Variants in COG5 observed in about 807,000 individuals in gnomAD.
The protein encoded by COG5 is component of oligomeric golgi complex 5, also known as conserved oligomeric Golgi complex subunit 5.
Under a neutral mutation model 110.4 loss-of-function variants are expected in COG5, and 86 were observed. That is an observed-to-expected ratio of 0.78 (90% CI 0.65 to 0.93). The LOEUF is 0.93. COG5 is among the 40% of genes least tolerant of loss of function. The pLI is 0.00. For missense variants in COG5, 1,077 were observed against 987.0 expected, an observed-to-expected ratio of 1.09 and a Z score of -1.22; for synonymous variants, 360 against 334.6, an observed-to-expected ratio of 1.08 and a Z score of -0.83.
chr7:107,251,133 C>CAAAA (rs564589238), intron 16 of COG5, among the ~76,000 whole-genome samples: 1 of 54,846 alleles, frequency 1.8e-5, no homozygotes, highest in African/African-American at 5.3e-5. Flanking sequence ...TGAAACTAGC[C>CAAAA]AAAAAAAAAA....
At chr7:107,534,096 C>A (rs1801405335) in intron 5 of COG5, among the ~76,000 whole-genome samples, 1 of 151,542 alleles carries the variant, frequency 6.6e-6, no homozygotes, top group Non-Finnish European at 1.5e-5. Context: ...AAATAAAATC[C>A]TTTACAGACA....
intron 5 of COG5, among the ~76,000 whole-genome samples, chr7:107,542,583 A>C (rs1369553783): frequency 1.3e-5 from 2 of 152,226 alleles, no homozygotes; most frequent in Non-Finnish European, 2.9e-5. Flanking sequence ...TTTCACAGCC[A>C]TATTACTCAT....
intron 21 of COG5, among the ~76,000 whole-genome samples, chr7:107,205,430 G>T (rs766236779): frequency 2.6e-5 from 4 of 152,090 alleles, no homozygotes; most frequent in Non-Finnish European, 5.9e-5. Context: ...TTCCATTTTT[G>T]TGTTACCAAG....
intron 16 of COG5, among the ~76,000 whole-genome samples, chr7:107,248,912 T>A (rs1445500760): frequency 6.6e-6 from 1 of 152,146 alleles, no homozygotes; most frequent in Non-Finnish European, 1.5e-5. Context: ...TTAACCAGAG[T>A]GAATATAATA....
intron 5 of COG5, among the ~76,000 whole-genome samples, chr7:107,537,417 G>C (rs943633204): frequency 3.3e-5 from 5 of 152,100 alleles, no homozygotes. Flanking sequence ...CCATAAAAAA[G>C]AATGAGCTCA....
intron 18 of COG5, among the ~76,000 whole-genome samples, chr7:107,231,080 C>T (rs1800744895): frequency 6.6e-6 from 1 of 152,082 alleles, no homozygotes; most frequent in East Asian, 1.9e-4. Flanking sequence ...GTCAGTGTGG[C>T]TCAAGTAATT....
At chr7:107,282,249 T>A (rs1805229559) in intron 13 of COG5, among the ~76,000 whole-genome samples, 1 of 152,192 alleles carries the variant, frequency 6.6e-6, no homozygotes, top group Non-Finnish European at 1.5e-5. Flanking sequence ...ATGTTCACTT[T>A]TAAATTTTAT....
chr7:107,248,514 G>GA lies in COG5; in HGVS notation c.1750-16dup. On this transcript the variant is annotated splice_polypyrimidine_tract_variant and intron_variant, in intron 16 of 21. Transcript: ENST00000297135. ...GCATGAATAGCCTAAAAAAAAAAAA[G>GA]AAAGAAAAAAAAGAAGAGGCAAGAT... 1 of 1,455,596 alleles carries GA rather than the reference G, an allele frequency of 6.9e-7. No homozygotes were observed. The allele number at this position is 1,455,596 out of a possible 1,614,324, so 90.2% of individuals were successfully genotyped here.
intron 7 of COG5, among the ~76,000 whole-genome samples, chr7:107,399,568 T>C (rs920925843): frequency 1.3e-5 from 2 of 152,218 alleles, no homozygotes; most frequent in Admixed American, 1.3e-4. Context: ...GCCATGATTA[T>C]ACGTTTCCTG....
At chr7:107,550,927 T>C (rs965265279) in intron 3 of COG5, among the ~76,000 whole-genome samples, 7 of 151,636 alleles carry the variant, frequency 4.6e-5, no homozygotes, top group Non-Finnish European at 7.4e-5. Flanking sequence ...GACCAGAACA[T>C]AGTTCCAAAA....
At chr7:107,219,223 T>C (rs1322151925) in intron 19 of COG5, among the ~76,000 whole-genome samples, 1 of 152,174 alleles carries the variant, frequency 6.6e-6, no homozygotes, top group Non-Finnish European at 1.5e-5. Flanking sequence ...AAGGGAACCC[T>C]TGTACACTGT....
At chr7:107,228,306 CAA>C (rs201009011) in intron 19 of COG5, among the ~76,000 whole-genome samples, 28 of 67,488 alleles carry the variant, frequency 4.1e-4, no homozygotes, top group Admixed American at 4.9e-4. Flanking sequence ...CACCCGGTCT[CAA>C]AAAAAAAAAA....
At chr7:107,506,104 T>A (rs1479203129) in intron 6 of COG5, among the ~76,000 whole-genome samples, 1 of 152,202 alleles carries the variant, frequency 6.6e-6, no homozygotes, top group Non-Finnish European at 1.5e-5. Flanking sequence ...ACCTCCTGGT[T>A]GGCCAGGGTA....
intron 6 of COG5, among the ~76,000 whole-genome samples, chr7:107,496,323 T>C (rs941358274): frequency 6.6e-6 from 1 of 152,042 alleles, no homozygotes; most frequent in African/African-American, 2.4e-5. Context: ...CATGAACAAC[T>C]AGGATCTATC....
At chr7:107,498,636 A>C (rs1474807330) in intron 6 of COG5, among the ~76,000 whole-genome samples, 1 of 152,128 alleles carries the variant, frequency 6.6e-6, no homozygotes, top group Non-Finnish European at 1.5e-5. Context: ...AAAACAACAA[A>C]AAACAGACAC....
chr7:107,298,341 T>C lies in COG5; in HGVS notation c.1114A>G (p.Met372Val), dbSNP rs760914155. Reference protein sequence around the residue: ...SQFHMATNSSMFLKQAFEGEY... With the variant: ...SQFHMATNSSVFLKQAFEGEY... The stretch of plus-strand genomic sequence containing the variant: ...CCTTCAAATGCCTGCTTCAAAAACA[T>C]CGAAGCTGCCAAGCAAAACAAGAAC... The change falls in exon 12 of 22, where the codon ATG becomes GTG. Residue 372 changes from methionine (M) to valine (V), a missense_variant. Coordinates refer to ENST00000297135, the MANE Select transcript of COG5 (RefSeq NM_006348.5). 1 of 1,612,544 alleles carries C rather than the reference T, an allele frequency of 6.2e-7. No individual in the cohort carries two copies. Among genetic ancestry groups the C allele is most frequent in the East Asian group, 2.2e-5 (1 of 44,782 alleles).
intron 7 of COG5, among the ~76,000 whole-genome samples, chr7:107,382,105 A>G (rs531335069): frequency 1.3e-5 from 2 of 152,294 alleles, no homozygotes; most frequent in African/African-American, 2.4e-5. Context: ...AGAGTCCATA[A>G]AAGTCCAGTG....
chr7:107,526,183 C>G (rs1171045288), intron 6 of COG5, among the ~76,000 whole-genome samples: 4 of 152,106 alleles, frequency 2.6e-5, no homozygotes, highest in African/African-American at 9.7e-5. Context: ...CAAGAGTAAG[C>G]AGACTCTTGA....
At chr7:107,400,311 ATAACTC>A (rs10589700) in intron 7 of COG5, among the ~76,000 whole-genome samples, 11,045 of 152,160 alleles carry the variant, frequency 0.073, 493 homozygotes, top group African/African-American at 0.13. Context: ...AGCACACTGT[ATAACTC>A]TAATTATGTA....
Sources: allele counts gnomAD v4.1 joint callset (sites outside exome capture counted in the v4.1 genomes callset), GRCh38; gene constraint gnomAD v4.1.1; transcripts MANE v1.5; gene names NCBI Gene and HGNC (gene_info 2026-07-23, HGNC 2026-07-21).